Variants in FRY observed in about 807,000 individuals in gnomAD.
FRY encodes FRY microtubule binding protein.
Under a neutral mutation model 348.4 loss-of-function variants are expected in FRY, and 128 were observed. The ratio of observed to expected loss-of-function variants is 0.37; its 90% CI spans 0.32 to 0.43. The LOEUF is 0.43. FRY is among the 20% of genes least tolerant of loss of function. FRY has a pLI of 1.00. For missense variants in FRY, 2,736 were observed against 3,695.2 expected (o/e 0.74, Z 6.73); for synonymous variants, 1,370 against 1,374.7 (o/e 1.00, Z 0.08).
intron 35 of FRY, among the ~76,000 whole-genome samples, chr13:32,218,043 A>G (rs568605687): frequency 1.3e-5 from 2 of 152,116 alleles, no homozygotes; most frequent in Admixed American, 6.5e-5. Context: ...ATTTTTGTGT[A>G]TTTCCCATTC....
intron 1 of FRY, among the ~76,000 whole-genome samples, chr13:32,070,606 G>T (rs528553143): frequency 2.0e-5 from 3 of 150,872 alleles, no homozygotes; most frequent in South Asian, 4.2e-4. Context: ...TGTAGATTCT[G>T]GATATTAGCC....
intron 47 of FRY, among the ~76,000 whole-genome samples, chr13:32,245,165 G>C (rs559293252): frequency 6.6e-6 from 1 of 151,998 alleles, no homozygotes; most frequent in Non-Finnish European, 1.5e-5. Context: ...GGCCAGGCTG[G>C]TCTCGAACTC....
At chr13:32,059,154 A>T (rs556899760) in intron 1 of FRY, among the ~76,000 whole-genome samples, 1 of 152,170 alleles carries the variant, frequency 6.6e-6, no homozygotes, top group African/African-American at 2.4e-5. Context: ...ATCTATAAAA[A>T]GTAGGAAAGA....
At chr13:32,191,694 T>C (rs1883347217) in intron 28 of FRY, among the ~76,000 whole-genome samples, 1 of 152,170 alleles carries the variant, frequency 6.6e-6, no homozygotes, top group Admixed American at 6.5e-5. Flanking sequence ...AGGGCCTTTT[T>C]CCTGGTTCAC....
At chr13:32,124,514 T>C (rs1593640507) in intron 5 of FRY, 88 bp from the exon 6 acceptor site, 1 of 880,292 alleles carries the variant, frequency 1.1e-6, no homozygotes, top group Non-Finnish European at 1.9e-6. Flanking sequence ...TTGATTGCTA[T>C]TGATTGTCAT....
chr13:32,155,956 T>C (rs1881080579), intron 15 of FRY, among the ~76,000 whole-genome samples: 1 of 152,214 alleles, frequency 6.6e-6, no homozygotes, highest in Non-Finnish European at 1.5e-5. Context: ...AAGACATCTG[T>C]GTGCTTTGCT....
At chr13:32,060,622 T>G (rs191143273) in intron 1 of FRY, among the ~76,000 whole-genome samples, 1 of 152,304 alleles carries the variant, frequency 6.6e-6, no homozygotes. Flanking sequence ...TTATCTTTGC[T>G]CCTACCTTTC....
chr13:32,221,994 G>A (rs1263199728), intron 36 of FRY, among the ~76,000 whole-genome samples: 1 of 152,138 alleles, frequency 6.6e-6, no homozygotes, highest in African/African-American at 2.4e-5. Flanking sequence ...TGGTGAATTG[G>A]TGATCCATGG....
At position 32,130,882 on chromosome 13, in the gene FRY, C is replaced by T. The variant is rs186405791; in HGVS notation, c.717-790C>T. Reference sequence around the variant, plus strand: ...CCAGGCTGGAGTGCAATGGCATGATCTCGGCTCATTGCAACCTCTGCCTCC... The same window carrying T: ...CCAGGCTGGAGTGCAATGGCATGATTTCGGCTCATTGCAACCTCTGCCTCC... On this transcript the variant is annotated intron_variant, in intron 7 of 60. Coordinates refer to ENST00000542859, the MANE Select transcript of FRY (RefSeq NM_023037.3). Among the ~76,000 whole-genome samples the T allele has an allele frequency of 6.0e-5, 9 of 150,412 alleles. No individual in the cohort carries two copies. In the East Asian group the frequency reaches 1.8e-3, roughly 30 times the overall value.
intron 1 of FRY, among the ~76,000 whole-genome samples, chr13:32,032,841 A>AT (rs1372464133): frequency 1.3e-5 from 2 of 152,200 alleles, no homozygotes; most frequent in African/African-American, 2.4e-5. Context: ...GAAAATTTTA[A>AT]TATTGTATTA....
chr13:32,060,807 C>T (rs962646618), intron 1 of FRY: 7 of 284,680 alleles, frequency 2.5e-5, no homozygotes, highest in African/African-American at 4.4e-5. Flanking sequence ...TATAGACATA[C>T]GGGCACTCTG....
intron 58 of FRY, among the ~76,000 whole-genome samples, chr13:32,286,821 T>C (rs1476461983): frequency 7.6e-6 from 1 of 131,842 alleles, no homozygotes; most frequent in African/African-American, 2.9e-5. Flanking sequence ...CAGTTACAAA[T>C]CTCATTATTT....
At chr13:32,249,308 G>T (rs1054768504) in intron 48 of FRY, among the ~76,000 whole-genome samples, 3 of 151,918 alleles carry the variant, frequency 2.0e-5, no homozygotes, top group African/African-American at 4.8e-5. Flanking sequence ...ACAAGCAGTT[G>T]CATTTTTCTG....
chr13:32,145,526 GTTTTTTTTTTTTT>G (rs59585678), intron 11 of FRY, among the ~76,000 whole-genome samples: 1 of 91,476 alleles, frequency 1.1e-5, no homozygotes. Flanking sequence ...TGACTGATTT[GTTTTTTTTTTTTT>G]TTTTTTTTTT....
At chr13:32,119,597 C>A (rs78377301) in intron 4 of FRY, among the ~76,000 whole-genome samples, 2 of 152,176 alleles carry the variant, frequency 1.3e-5, no homozygotes, top group African/African-American at 4.8e-5. Flanking sequence ...AATACTCTCT[C>A]TACTGCTGCT....
At chr13:32,139,315 C>A (rs1254919300) in intron 11 of FRY, among the ~76,000 whole-genome samples, 2 of 152,112 alleles carry the variant, frequency 1.3e-5, no homozygotes, top group African/African-American at 2.4e-5. Flanking sequence ...CCAAACCAAC[C>A]CTTCCCCGAC....
At chr13:32,213,656 TA>T (rs2138369944) in intron 35 of FRY, among the ~76,000 whole-genome samples, 1 of 152,368 alleles carries the variant, frequency 6.6e-6, no homozygotes, top group East Asian at 1.9e-4. Context: ...TCTCTAAAGA[TA>T]TTTTTACTTT....
At chr13:32,164,117 T>A (rs1430343554) in intron 17 of FRY, among the ~76,000 whole-genome samples, 2 of 152,104 alleles carry the variant, frequency 1.3e-5, no homozygotes, top group Non-Finnish European at 2.9e-5. Context: ...CCTCTTCAGA[T>A]CTCCTTGAGA....
intron 35 of FRY, among the ~76,000 whole-genome samples, chr13:32,216,535 A>G (rs889530824): frequency 6.6e-6 from 1 of 152,232 alleles, no homozygotes; most frequent in Non-Finnish European, 1.5e-5. Context: ...AAAACCCGAC[A>G]TAGAGCACAG....
Sources: allele counts gnomAD v4.1 joint callset (sites outside exome capture counted in the v4.1 genomes callset), GRCh38; gene constraint gnomAD v4.1.1; transcripts MANE v1.5; gene names NCBI Gene and HGNC (gene_info 2026-07-23, HGNC 2026-07-21).